The following ADARB2 variants were observed in gnomAD, a reference collection of about 807,000 sequenced individuals.
ADARB2 encodes the protein adenosine deaminase RNA specific B2 (inactive), also known as inactive double-stranded RNA-specific editase B2.
Under a neutral mutation model 62.2 loss-of-function variants are expected in ADARB2, and 25 were observed. That is an observed-to-expected ratio of 0.40 (90% CI 0.29 to 0.56). The LOEUF (loss-of-function observed/expected upper bound fraction) is 0.56. ADARB2 is among the 20% of genes least tolerant of loss of function. The pLI, the probability that ADARB2 is intolerant of heterozygous loss-of-function variation, is 0.43. For synonymous variants in ADARB2, 572 were observed against 500.8 expected, an observed-to-expected ratio of 1.14 and a Z score of -1.90; for missense variants, 1,071 against 1,077.4, an observed-to-expected ratio of 0.99 and a Z score of 0.08.
intron 1 of ADARB2, among the ~76,000 whole-genome samples, chr10:1,488,680 C>T (rs1296695724): frequency 6.6e-6 from 1 of 152,180 alleles, no homozygotes; most frequent in Non-Finnish European, 1.5e-5. Context: ...TGCACGTCCG[C>T]TCCTCACACT....
intron 1 of ADARB2, among the ~76,000 whole-genome samples, chr10:1,658,112 C>G (rs1834195600): frequency 6.6e-6 from 1 of 151,728 alleles, no homozygotes; most frequent in Non-Finnish European, 1.5e-5. Flanking sequence ...CTGTCTCTAT[C>G]TGATTCTGTC....
At chr10:1,290,987 G>A (rs1831461104) in intron 3 of ADARB2, 1 of 152,176 alleles carries the variant, frequency 6.6e-6, no homozygotes, top group South Asian at 2.1e-4. Context: ...AAACAGATGA[G>A]GTCCTCCGTT....
chr10:1,181,560 C>T lies in ADARB2; in HGVS notation c.*1633G>A, dbSNP rs1245918763. ...TTCTTTTTCCATACTAATATCTCTA[C>T]TTCTTATTATCTTGTAACAAATAGC... On this transcript the variant is annotated 3_prime_UTR_variant, in exon 10 of 10. Coordinates refer to ENST00000381312, the MANE Select transcript of ADARB2 (RefSeq NM_018702.4). The T allele has an allele frequency of 6.6e-6, 1 of 152,212 alleles. No individual in the cohort carries two copies. The highest frequency in any genetic ancestry group is 1.9e-4 in the East Asian group (1 of 5,196). 9.4% of individuals were successfully genotyped at this position (152,212 alleles called of 1,614,324 possible).
chr10:1,262,149 G>C (rs1831144811), intron 4 of ADARB2, among the ~76,000 whole-genome samples: 1 of 108,958 alleles, frequency 9.2e-6, no homozygotes, highest in Non-Finnish European at 1.8e-5. Flanking sequence ...TGGTGGGGTG[G>C]GGGGAGGGGG....
intron 1 of ADARB2, among the ~76,000 whole-genome samples, chr10:1,453,608 G>A (rs1276277785): frequency 2.0e-5 from 3 of 152,094 alleles, no homozygotes; most frequent in East Asian, 1.9e-4. Flanking sequence ...GATCTGATAC[G>A]AATTGGTTTC....
At chr10:1,347,442 C>T (rs547760465) in intron 3 of ADARB2, among the ~76,000 whole-genome samples, 39 of 152,318 alleles carry the variant, frequency 2.6e-4, no homozygotes, top group Admixed American at 6.5e-5. Flanking sequence ...AACCAGGGCA[C>T]GGGTACTTGG....
At chr10:1,649,044 TG>T (rs924468209) in intron 1 of ADARB2, among the ~76,000 whole-genome samples, 17 of 152,276 alleles carry the variant, frequency 1.1e-4, no homozygotes, top group African/African-American at 3.4e-4. Context: ...ATAGAAATCT[TG>T]AAAAAGTGGA....
At chr10:1,266,512 G>C (rs1204214173) in intron 4 of ADARB2, among the ~76,000 whole-genome samples, 1 of 7,692 alleles carries the variant, frequency 1.3e-4, no homozygotes, top group African/African-American at 6.4e-4. Context: ...GGTGGGGGGT[G>C]GGGGGGGGGC....
chr10:1,669,559 C>T (rs1408433569), intron 1 of ADARB2, among the ~76,000 whole-genome samples: 1 of 151,676 alleles, frequency 6.6e-6, no homozygotes, highest in Non-Finnish European at 1.5e-5. Context: ...CAGAGAGACA[C>T]ACACAGACAC....
chr10:1,648,114 T>C (rs895466000), intron 1 of ADARB2, among the ~76,000 whole-genome samples: 1 of 152,242 alleles, frequency 6.6e-6, no homozygotes, highest in Non-Finnish European at 1.5e-5. Flanking sequence ...AACACATTTT[T>C]ATAGTTTTAA....
chr10:1,219,916 C>T (rs60133849), intron 6 of ADARB2, among the ~76,000 whole-genome samples: 144,682 of 146,460 alleles, frequency 0.99, 71,455 homozygotes, highest in African/African-American at 0.99. Context: ...ATGGTGGTGG[C>T]GATGATGGTG....
At chr10:1,657,927 GTC>G (rs1834192464) in intron 1 of ADARB2, among the ~76,000 whole-genome samples, 1 of 148,838 alleles carries the variant, frequency 6.7e-6, no homozygotes, top group Non-Finnish European at 1.5e-5. Context: ...CTGATTCTCT[GTC>G]TCTCTTTATC....
intron 1 of ADARB2, among the ~76,000 whole-genome samples, chr10:1,430,932 C>T (rs575458371): frequency 2.6e-4 from 40 of 152,208 alleles, no homozygotes; most frequent in African/African-American, 7.9e-4. Flanking sequence ...AAGTGACAGA[C>T]CTGAAATGAG....
chr10:1,293,248 G>A (rs1469733388), intron 3 of ADARB2, among the ~76,000 whole-genome samples: 3 of 134,330 alleles, frequency 2.2e-5, no homozygotes, highest in African/African-American at 8.5e-5. Flanking sequence ...GAGGGACGGG[G>A]GGAGAGGGAC....
At chr10:1,598,543 T>C (rs558183773) in intron 1 of ADARB2, among the ~76,000 whole-genome samples, 1 of 152,304 alleles carries the variant, frequency 6.6e-6, no homozygotes, top group South Asian at 2.1e-4. Context: ...TGTGGCCCAT[T>C]GCTTGGACCG....
intron 1 of ADARB2, among the ~76,000 whole-genome samples, chr10:1,525,651 G>A (rs1832130884): frequency 6.6e-6 from 1 of 152,172 alleles, no homozygotes; most frequent in African/African-American, 2.4e-5. Flanking sequence ...AAGACAGCCT[G>A]GGAAGACAGG....
chr10:1,672,775 TC>T (rs1564364145), intron 1 of ADARB2, among the ~76,000 whole-genome samples: 1 of 100,684 alleles, frequency 9.9e-6, no homozygotes, highest in Non-Finnish European at 2.5e-5. Flanking sequence ...TTCCCCTTCC[TC>T]CCTCCCTCTA....
At chr10:1,334,122 C>G (rs1029196019) in intron 3 of ADARB2, among the ~76,000 whole-genome samples, 1 of 152,172 alleles carries the variant, frequency 6.6e-6, no homozygotes, top group African/African-American at 2.4e-5. Context: ...GACTCATGGG[C>G]AGAGGCCGGA....
chr10:1,735,232 C>T (rs1874987), intron 1 of ADARB2, among the ~76,000 whole-genome samples: 40,549 of 152,084 alleles, frequency 0.27, 6,453 homozygotes, highest in East Asian at 0.5. Flanking sequence ...TTCAAAATAA[C>T]CAAGGTATGG....
Sources: allele counts gnomAD v4.1 joint callset (sites outside exome capture counted in the v4.1 genomes callset), GRCh38; gene constraint gnomAD v4.1.1; transcripts MANE v1.5; gene names NCBI Gene and HGNC (gene_info 2026-07-23, HGNC 2026-07-21).